Variants in EMID1 observed in about 807,000 individuals in gnomAD.
EMID1 encodes EMI domain-containing protein 1.
EMID1 carries 40 observed loss-of-function variants against 60.6 expected under a neutral mutation model. The ratio of observed to expected loss-of-function variants is 0.66; its 90% CI spans 0.51 to 0.86. The LOEUF (loss-of-function observed/expected upper bound fraction) is 0.86. EMID1 is among the 40% of genes least tolerant of loss of function. The pLI is 0.00. For missense variants in EMID1, 585 were observed against 597.1 expected (o/e 0.98, Z 0.21); for synonymous variants, 242 against 231.0 (o/e 1.05, Z -0.43).
At chr22:29,245,562 T>C (rs5752888) in intron 13 of EMID1, among the ~76,000 whole-genome samples, 20,944 of 152,066 alleles carry the variant, frequency 0.14, 1,686 homozygotes, top group East Asian at 0.23. Context: ...GGGGGCTGCA[T>C]GAAGCTTTGG....
intron 1 of EMID1, among the ~76,000 whole-genome samples, chr22:29,211,837 G>A (rs1004752660): frequency 3.3e-5 from 5 of 152,184 alleles, no homozygotes; most frequent in East Asian, 1.9e-4. Flanking sequence ...TGAGTGTCAC[G>A]TAGGCTCCAA....
At chr22:29,247,053 A>C (rs2041353414) in intron 13 of EMID1, among the ~76,000 whole-genome samples, 1 of 152,112 alleles carries the variant, frequency 6.6e-6, no homozygotes, top group South Asian at 2.1e-4. Flanking sequence ...ATCACAGCTC[A>C]CTGCAACCTC....
intron 12 of EMID1, among the ~76,000 whole-genome samples, chr22:29,240,432 C>T (rs2041111710): frequency 6.6e-6 from 1 of 152,192 alleles, no homozygotes. Context: ...GGGTCAAGAA[C>T]CCCTCGTGGC....
chr22:29,209,484 TGGGTCCCTTCATCTGTGGAAACCTC>T (rs887117868), intron 1 of EMID1, among the ~76,000 whole-genome samples: 156 of 152,254 alleles, frequency 1.0e-3, no homozygotes, highest in Non-Finnish European at 5.6e-4. Context: ...CACATGGGGA[TGGGTCCCTTCATCTGTGGAAACCTC>T]GGGTCCCAGC....
chr22:29,226,456 T>C (rs1259343436), intron 4 of EMID1, 34 bp from the exon 5 acceptor site: 2 of 1,605,494 alleles, frequency 1.2e-6, no homozygotes, highest in East Asian at 2.3e-5. Context: ...CCTAGGACCC[T>C]TGGCCCTGGC....
intron 3 of EMID1, among the ~76,000 whole-genome samples, chr22:29,224,055 C>G (rs1256520192): frequency 6.6e-6 from 1 of 152,248 alleles, no homozygotes; most frequent in African/African-American, 2.4e-5. Context: ...AGATTAGCCC[C>G]CTGTGCCTGG....
chr22:29,216,486 T>C (rs1382185822), intron 3 of EMID1: 3 of 985,206 alleles, frequency 3.0e-6, no homozygotes, highest in Non-Finnish European at 1.2e-6. Context: ...CAGAGACAGC[T>C]CAAGGGACAG....
intron 13 of EMID1, among the ~76,000 whole-genome samples, chr22:29,245,997 A>G (rs537686987): frequency 1.3e-5 from 2 of 152,332 alleles, no homozygotes; most frequent in Admixed American, 1.3e-4. Flanking sequence ...CAGGGTGGTC[A>G]CAGTGAGGTG....
At chr22:29,238,383 T>A (rs1224953239) in intron 12 of EMID1, among the ~76,000 whole-genome samples, 1 of 139,700 alleles carries the variant, frequency 7.2e-6, no homozygotes, top group Non-Finnish European at 1.5e-5. Context: ...ACCTCTCGAG[T>A]AGCTGGGACT....
chr22:29,242,022 C>T (rs1436755720), intron 12 of EMID1, among the ~76,000 whole-genome samples: 1 of 152,116 alleles, frequency 6.6e-6, no homozygotes, highest in Non-Finnish European at 1.5e-5. Flanking sequence ...GCAATCCTCC[C>T]ACCTCAGCCT....
chr22:29,253,578 G>A (rs1023549149), intron 13 of EMID1, among the ~76,000 whole-genome samples: 8 of 151,892 alleles, frequency 5.3e-5, no homozygotes, highest in Admixed American at 2.6e-4. Context: ...GCAAAACTTC[G>A]TCTCAAAAAA....
chr22:29,230,992 C>T, intron 5 of EMID1, 28 bp from the exon 6 acceptor site: 1 of 1,603,788 alleles, frequency 6.2e-7, no homozygotes, highest in South Asian at 1.1e-5. Context: ...GACCCTGGTA[C>T]CCACCCCGTC....
At chr22:29,218,897 C>A (rs2040186630) in intron 3 of EMID1, among the ~76,000 whole-genome samples, 1 of 152,178 alleles carries the variant, frequency 6.6e-6, no homozygotes, top group Non-Finnish European at 1.5e-5. Context: ...ACACAGCAAG[C>A]AAGTATTGTC....
intron 12 of EMID1, among the ~76,000 whole-genome samples, chr22:29,235,934 C>A (rs2040934410): frequency 6.6e-6 from 1 of 152,020 alleles, no homozygotes; most frequent in Non-Finnish European, 1.5e-5. Flanking sequence ...GGACCACAGG[C>A]ATGTACCACC....
intron 13 of EMID1, among the ~76,000 whole-genome samples, chr22:29,248,119 A>AT (rs1236949012): frequency 6.7e-6 from 1 of 148,174 alleles, no homozygotes; most frequent in Admixed American, 6.8e-5. Flanking sequence ...TGCCCAGCTA[A>AT]TTTTTTTGTA....
intron 3 of EMID1, among the ~76,000 whole-genome samples, chr22:29,222,146 T>G (rs531379908): frequency 1.3e-5 from 2 of 152,354 alleles, no homozygotes; most frequent in Admixed American, 1.3e-4. Context: ...ACTCTTTCAG[T>G]GCAGTGGCAC....
At chr22:29,256,226 A>G (rs2041701207) in intron 14 of EMID1, among the ~76,000 whole-genome samples, 1 of 152,034 alleles carries the variant, frequency 6.6e-6, no homozygotes, top group Non-Finnish European at 1.5e-5. Flanking sequence ...TAATCCTAGC[A>G]CTTTGGGAGG....
At chr22:29,232,006 C>T in intron 7 of EMID1, 1 of 593,914 alleles carries the variant, frequency 1.7e-6, no homozygotes, top group East Asian at 2.8e-5. Context: ...ATGCTTGCCC[C>T]ATGTGACCAG....
At chr22:29,255,367 G>A in intron 14 of EMID1, 2 of 1,462,344 alleles carry the variant, frequency 1.4e-6, no homozygotes, top group Non-Finnish European at 1.8e-6. Flanking sequence ...GCCAGGTAAT[G>A]GCAGGGCGGG....
Sources: allele counts gnomAD v4.1 joint callset (sites outside exome capture counted in the v4.1 genomes callset), GRCh38; gene constraint gnomAD v4.1.1; transcripts MANE v1.5; gene names NCBI Gene and HGNC (gene_info 2026-07-23, HGNC 2026-07-21).